TWIST1: variants seen among roughly 807,000 people sequenced by gnomAD.
The protein encoded by TWIST1 is twist family bHLH transcription factor 1.
Under a neutral mutation model 12.9 loss-of-function variants are expected in TWIST1, and 8 were observed. That is an observed-to-expected ratio of 0.62 (90% CI 0.37 to 1.12). TWIST1 has a LOEUF of 1.12. TWIST1 is among the 50% of genes most tolerant of loss of function. The pLI is 0.02. For missense variants in TWIST1, 268 were observed against 299.7 expected, an observed-to-expected ratio of 0.89 and a Z score of 0.78; for synonymous variants, 169 against 138.7, an observed-to-expected ratio of 1.22 and a Z score of -1.54.
Position 19,117,074 on chromosome 7 carries a change from C to G in TWIST1, c.248G>C (p.Gly83Ala). Residue 83 changes from glycine to alanine, a missense_variant, in exon 1 of 2, where the codon GGC becomes GCC. Around this residue, in one of 2 missense-constraint regions of TWIST1, gnomAD observed 189 missense variants for 172.1 expected, o/e 1.10. Transcript: ENST00000242261. The part of the protein sequence containing the change: ...KRGKKSAGCG[G>A]GGGAGGGGGS... Reference sequence around the variant, plus strand: ...GCCGCCGCCGCCCGCGCCGCCGCCGCCGCCACAGCCCGCAGACTTCTTGCC... The same window carrying G: ...GCCGCCGCCGCCCGCGCCGCCGCCGGCGCCACAGCCCGCAGACTTCTTGCC... 7.2e-7 allele frequency: 1 copy of G among 1,396,204 alleles called. No homozygotes were observed. The highest frequency in any genetic ancestry group is 9.2e-7 in the Non-Finnish European group (1 of 1,084,280). 86.5% of individuals were successfully genotyped at this position (1,396,204 alleles called of 1,614,324 possible).
At chr7:19,113,919 G>C (rs560247934), downstream of TWIST1, 6 of 152,254 alleles carry the variant, frequency 3.9e-5, no homozygotes, top group Admixed American at 3.9e-4. Context: ...TGTACCTTAA[G>C]AAATCTGAAA....
chr7:19,113,073 A>T (rs1296632901), downstream of TWIST1: 5 of 152,170 alleles, frequency 3.3e-5, no homozygotes, highest in Non-Finnish European at 7.3e-5. Context: ...TTATTTTATT[A>T]ATAATACGTT....
rs369330492 is a variant in TWIST1, at chr7:19,117,448, G to C, written c.-127C>G. ...ATGCGGCCCGCGGAGGAGAGAGCAG[G>C]AGGACGGACGGGAGGGACCTCCGCG... On this transcript the variant is annotated 5_prime_UTR_variant, in exon 1 of 2. Transcript: ENST00000242261. 3.3e-5 allele frequency: 40 copies of C among 1,197,504 alleles called. 2 individuals are homozygous for C. The East Asian group carries it at 8.1e-4, about 24-fold the overall frequency. 74.2% of individuals were successfully genotyped at this position (1,197,504 alleles called of 1,614,324 possible). A position where few individuals can be genotyped will look rare whatever the true frequency, so the allele number is the denominator to read the frequency against.
intron 1 of TWIST1, 114 bp downstream of exon 1, chr7:19,116,557 G>A: frequency 2.2e-6 from 2 of 898,184 alleles, no homozygotes; most frequent in Non-Finnish European, 3.3e-6. Flanking sequence ...GAGGTGGGAA[G>A]GCTGAGCGGA....
At chr7:19,115,149 T>C (rs2115394842), downstream of TWIST1, among the ~76,000 whole-genome samples, 1 of 152,338 alleles carries the variant, frequency 6.6e-6, no homozygotes, top group South Asian at 2.1e-4. Context: ...TTATACTCCT[T>C]ATTTGCATTT....
In TWIST1 at chr7:19,117,618, C is replaced by G. The variant is rs1788606797; in HGVS notation, c.-297G>C. 1 of 1,064,646 alleles carries G rather than the reference C, an allele frequency of 9.4e-7. No homozygotes were observed. The highest frequency in any genetic ancestry group is 1.1e-6 in the Non-Finnish European group (1 of 871,988). 65.9% of individuals were successfully genotyped at this position (1,064,646 alleles called of 1,614,324 possible). On this transcript the variant is annotated 5_prime_UTR_variant, in exon 1 of 2. Coordinates refer to ENST00000242261, the MANE Select transcript of TWIST1 (RefSeq NM_000474.4). Reference sequence around the variant, plus strand: ...GAAACGGTGCCGGTGCTGCAGAGCCCGCGAGGTGTCTGGGAGTTGGGCGAG... The same window carrying G: ...GAAACGGTGCCGGTGCTGCAGAGCCGGCGAGGTGTCTGGGAGTTGGGCGAG...
rs748239205 is a variant in TWIST1, at chr7:19,116,938, G to A, written c.384C>T (p.Phe128=). The change falls in exon 1 of 2, where the codon TTC becomes TTT. Residue 128 remains phenylalanine (F), a synonymous_variant. Coordinates refer to ENST00000242261, the MANE Select transcript of TWIST1 (RefSeq NM_000474.4). ...RQRTQSLNEA[F]AALRKIIPTL... ...TGGGGATGATCTTCCGCAGCGCGGC[G>A]AACGCCTCGTTCAGCGACTGGGTGC... 3 of 1,613,958 alleles carry A rather than the reference G, an allele frequency of 1.9e-6. No homozygotes were observed. Among genetic ancestry groups the A allele is most frequent in the Non-Finnish European group, 2.5e-6 (3 of 1,179,968 alleles).
downstream of TWIST1, chr7:19,113,260 T>G (rs937086593): frequency 3.3e-5 from 5 of 152,192 alleles, no homozygotes; most frequent in African/African-American, 1.2e-4. Flanking sequence ...AAAGGAAACA[T>G]TAAATTTTCT....
At chr7:19,115,093 G>T (rs1373295973), downstream of TWIST1, among the ~76,000 whole-genome samples, 3 of 152,166 alleles carry the variant, frequency 2.0e-5, no homozygotes, top group African/African-American at 7.2e-5. Context: ...TTCACAAAGA[G>T]TGAAGAGCAT....
In TWIST1 at chr7:19,117,487, G is replaced by GGGGAGGCGGGGA. The variant is rs1158095976; in HGVS notation, c.-178_-167dup. ...GGGACCTCCGCGGGGAGGGCGCGCGGGGGAGGCGGGGAGGGAGGCGGGAGG... is the reference window on the plus strand; with the variant it reads ...GGGACCTCCGCGGGGAGGGCGCGCGGGGGAGGCGGGGAGGGAGGCGGGGAGGGAGGCGGGAGG... On this transcript the variant is annotated 5_prime_UTR_variant, in exon 1 of 2. Transcript: ENST00000242261. 4.8e-5 allele frequency: 57 copies of GGGGAGGCGGGGA among 1,191,962 alleles called. 1 individual carries two copies. The South Asian group carries it at 1.1e-3, about 24-fold the overall frequency. The allele number at this position is 1,191,962 out of a possible 1,614,324, so 73.8% of individuals were successfully genotyped here. A position where few individuals can be genotyped will look rare whatever the true frequency, so the allele number is the denominator to read the frequency against.
In TWIST1 at chr7:19,117,036, C is replaced by CGCTGCT. The variant is rs771484889; in HGVS notation, c.280_285dup (p.Ser94_Ser95dup). ...TCGTAAGACTGCGGACTCCCGCCGCCGCTGCTGCTGCCGCCGCCGCCGCCC... is the reference window on the plus strand; with the variant it reads ...TCGTAAGACTGCGGACTCCCGCCGCCGCTGCTGCTGCTGCTGCCGCCGCCGCCGCCC... On this transcript the variant is annotated inframe_insertion, in exon 1 of 2. Transcript: ENST00000242261. The CGCTGCT allele has an allele frequency of 6.8e-7, 1 of 1,477,450 alleles. No homozygotes were observed. The highest frequency in any genetic ancestry group is 8.9e-7 in the Non-Finnish European group (1 of 1,126,218). The allele number at this position is 1,477,450 out of a possible 1,614,324, so 91.5% of individuals were successfully genotyped here. A position where few individuals can be genotyped will look rare whatever the true frequency, so the allele number is the denominator to read the frequency against.
Position 19,116,916 on chromosome 7 carries a change from G to GGATGATCTTCCGCAGCGCGGC in TWIST1, c.385_405dup (p.Ala129_Ile135dup), listed in dbSNP as rs748476974. On this transcript the variant is annotated inframe_insertion, in exon 1 of 2. Coordinates refer to ENST00000242261, the MANE Select transcript of TWIST1 (RefSeq NM_000474.4). ...CTCAGCTTGTCCGAGGGCAGCGTGG[G>GGATGATCTTCCGCAGCGCGGC]GATGATCTTCCGCAGCGCGGCGAAC... The GGATGATCTTCCGCAGCGCGGC allele has an allele frequency of 6.2e-7, 1 of 1,614,100 alleles. No homozygotes were observed. Among genetic ancestry groups the GGATGATCTTCCGCAGCGCGGC allele is most frequent in the Non-Finnish European group, 8.5e-7 (1 of 1,179,992 alleles).
downstream of TWIST1, chr7:19,113,923 T>A (rs1231837293): frequency 6.6e-6 from 1 of 152,120 alleles, no homozygotes; most frequent in African/African-American, 2.4e-5. Flanking sequence ...CCTTAAGAAA[T>A]CTGAAATATC....
At position 19,117,303 on chromosome 7, in the gene TWIST1, T is replaced by C. The variant is rs1483717033; in HGVS notation, c.19A>G (p.Ser7Gly). 1.4e-6 allele frequency: 2 copies of C among 1,476,528 alleles called. No individual in the cohort carries two copies. The highest frequency in any genetic ancestry group is 1.8e-6 in the Non-Finnish European group (2 of 1,117,264). The allele number at this position is 1,476,528 out of a possible 1,614,324, so 91.5% of individuals were successfully genotyped here. The part of the protein sequence containing the change: MMQDVS[S>G]SPVSPADDSL... The stretch of plus-strand genomic sequence containing the variant: ...TCGTCGGCCGGCGAGACTGGCGAGC[T>C]GGACACGTCCTGCATCATCTCTCGA... The change falls in exon 1 of 2, where the codon AGC becomes GGC. Residue 7 changes from serine (S) to glycine (G), a missense_variant. Ser to Gly is a moderately conservative substitution (Grantham distance 56). Transcript: ENST00000242261.
Position 19,116,091 on chromosome 7 carries a change from T to C in TWIST1, c.*83A>G, listed in dbSNP as rs1788558721. The C allele has an allele frequency of 1.4e-5, 2 of 144,178 alleles. No individual in the cohort carries two copies. 8.9% of individuals were successfully genotyped at this position (144,178 alleles called of 1,614,324 possible). A position where few individuals can be genotyped will look rare whatever the true frequency, so the allele number is the denominator to read the frequency against. ...TTTTTAGTTATCCAGCTCCAGAGTC[T>C]CTAGACTGTCCATTTTCTCCTTCTC... On this transcript the variant is annotated 3_prime_UTR_variant, in exon 2 of 2. Coordinates refer to ENST00000242261, the MANE Select transcript of TWIST1 (RefSeq NM_000474.4).
Position 19,117,045 on chromosome 7 carries a change from T to TGCCGCC in TWIST1, c.271_276dup (p.Gly91_Gly92dup), listed in dbSNP as rs750238627. ...TGCGGACTCCCGCCGCCGCTGCTGC[T>TGCCGCC]GCCGCCGCCGCCGCCCGCGCCGCCG... On this transcript the variant is annotated inframe_insertion, in exon 1 of 2. Transcript: ENST00000242261. 64 of 1,443,528 alleles carry TGCCGCC rather than the reference T, an allele frequency of 4.4e-5. No individual in the cohort carries two copies. The highest frequency in any genetic ancestry group is 1.8e-4 in the Middle Eastern group (1 of 5,526). The allele number at this position is 1,443,528 out of a possible 1,614,324, so 89.4% of individuals were successfully genotyped here. A position where few individuals can be genotyped will look rare whatever the true frequency, so the allele number is the denominator to read the frequency against.
Position 19,117,086 on chromosome 7 carries a change from G to A in TWIST1, c.236C>T (p.Ala79Val), listed in dbSNP as rs1210753898. Reference protein sequence around the residue: ...PAQGKRGKKSAGCGGGGGAGG... With the variant: ...PAQGKRGKKSVGCGGGGGAGG... ...CGCGCCGCCGCCGCCGCCACAGCCCGCAGACTTCTTGCCGCGCTTGCCCTG... is the reference window on the plus strand; with the variant it reads ...CGCGCCGCCGCCGCCGCCACAGCCCACAGACTTCTTGCCGCGCTTGCCCTG... Residue 79 changes from alanine to valine, a missense_variant, in exon 1 of 2, where the codon GCG becomes GTG. Around this residue, in one of 2 missense-constraint regions of TWIST1, gnomAD observed 189 missense variants for 172.1 expected, o/e 1.10. Transcript: ENST00000242261. 1.5e-6 allele frequency: 2 copies of A among 1,375,390 alleles called. No individual in the cohort carries two copies. The highest frequency in any genetic ancestry group is 1.9e-6 in the Non-Finnish European group (2 of 1,070,932). 85.2% of individuals were successfully genotyped at this position (1,375,390 alleles called of 1,614,324 possible).
At chr7:19,114,176 AT>A (rs1158158643), downstream of TWIST1, 2 of 152,334 alleles carry the variant, frequency 1.3e-5, no homozygotes, top group African/African-American at 2.4e-5. Flanking sequence ...AAATAAAAAA[AT>A]AATAATACTT....
intron 1 of TWIST1, 134 bp downstream of exon 1, chr7:19,116,537 G>A (rs1025205148): frequency 3.9e-6 from 3 of 770,678 alleles, no homozygotes; most frequent in Admixed American, 2.8e-5. Flanking sequence ...GCGAGGCAAC[G>A]GTGCCAAGTG....
Sources: allele counts gnomAD v4.1 joint callset (sites outside exome capture counted in the v4.1 genomes callset), GRCh38; gene constraint gnomAD v4.1.1; regional missense constraint gnomAD v4.1.1; transcripts MANE v1.5; gene names NCBI Gene and HGNC (gene_info 2026-07-23, HGNC 2026-07-21).